Variants in MIB1 observed in about 807,000 individuals in gnomAD.
The protein encoded by MIB1 is MIB E3 ubiquitin protein ligase 1, also known as E3 ubiquitin-protein ligase MIB1.
A neutral mutation model predicts 124.5 loss-of-function variants in MIB1; 278 were observed. The ratio of observed to expected loss-of-function variants is 2.23; its 90% CI spans 2.02 to 2.47. The LOEUF is 2.47. MIB1 is among the 30% of genes most tolerant of loss of function. The pLI is 0.00. For missense variants in MIB1, 957 were observed against 1,254.4 expected, an observed-to-expected ratio of 0.76 and a Z score of 3.58; for synonymous variants, 446 against 429.4, an observed-to-expected ratio of 1.04 and a Z score of -0.48.
chr18:21,783,720 C>G (rs368965068), intron 6 of MIB1, among the ~76,000 whole-genome samples: 1 of 150,890 alleles, frequency 6.6e-6, no homozygotes, highest in Admixed American at 6.6e-5. Context: ...TTTGGTAGTA[C>G]GTTTTAATGT....
In MIB1 at chr18:21,812,219, A is replaced by G. The variant is rs576092473; in HGVS notation, c.1480-3397A>G. ...GAGCACTCCAGGTCTAGGGAGTAGC[A>G]TATGAAAATGTATAGGATCCCATAA... On this transcript the variant is annotated intron_variant, in intron 10 of 20. Coordinates refer to ENST00000261537, the MANE Select transcript of MIB1 (RefSeq NM_020774.4). Among the ~76,000 whole-genome samples, 3 of 152,320 alleles carry G rather than the reference A, an allele frequency of 2.0e-5. No homozygotes were observed. In the East Asian group the frequency reaches 5.8e-4, roughly 29 times the overall value.
intron 18 of MIB1, among the ~76,000 whole-genome samples, chr18:21,853,712 G>C (rs1484303169): frequency 6.6e-6 from 1 of 151,930 alleles, no homozygotes; most frequent in African/African-American, 2.4e-5. Context: ...CTTTGTGAGG[G>C]CAGTATTAAA....
upstream of MIB1, among the ~76,000 whole-genome samples, chr18:21,736,728 A>G (rs1341846235): frequency 2.6e-5 from 4 of 152,242 alleles, no homozygotes; most frequent in Non-Finnish European, 5.9e-5. Flanking sequence ...ATACACAAGT[A>G]TCAATAGCTG....
At chr18:21,718,588 G>C (rs149618060) in intron 1 of MIB1, among the ~76,000 whole-genome samples, 3 of 152,314 alleles carry the variant, frequency 2.0e-5, no homozygotes, top group Non-Finnish European at 4.4e-5. Flanking sequence ...GAACTGCCCA[G>C]TTGAGCCCAG....
intron 1 of MIB1, among the ~76,000 whole-genome samples, chr18:21,764,919 G>T (rs2041139807): frequency 6.6e-6 from 1 of 152,014 alleles, no homozygotes; most frequent in Non-Finnish European, 1.5e-5. Flanking sequence ...GACCATCCAG[G>T]ATGTGTTTAT....
chr18:21,791,253 A>G (rs1007751848), intron 6 of MIB1, 121 bp from the exon 7 acceptor site: 2 of 693,460 alleles, frequency 2.9e-6, no homozygotes, highest in African/African-American at 3.6e-5. Context: ...ATAAATAAAC[A>G]CAAATCATTC....
At chr18:21,836,567 A>AT (rs1411569922) in intron 12 of MIB1, among the ~76,000 whole-genome samples, 3 of 152,134 alleles carry the variant, frequency 2.0e-5, no homozygotes, top group Non-Finnish European at 4.4e-5. Flanking sequence ...GCATCTAGTG[A>AT]TTTCATGTTA....
At chr18:21,796,122 T>TC (rs890945013) in intron 7 of MIB1, among the ~76,000 whole-genome samples, 66 of 83,890 alleles carry the variant, frequency 7.9e-4, no homozygotes, top group South Asian at 6.0e-3. Flanking sequence ...GGGTCGTTTG[T>TC]TTTTTTCTTG....
At chr18:21,781,405 ATATATATAT>A (rs1568199092) in intron 6 of MIB1, among the ~76,000 whole-genome samples, 18 of 77,136 alleles carry the variant, frequency 2.3e-4, no homozygotes, top group African/African-American at 9.7e-4. Flanking sequence ...ATATATATAT[ATATATATAT>A]AAAATTATTA....
intron 20 of MIB1, among the ~76,000 whole-genome samples, chr18:21,862,107 G>T (rs2042281738): frequency 2.0e-5 from 3 of 152,142 alleles, no homozygotes; most frequent in Admixed American, 2.0e-4. Flanking sequence ...GTGTTGCCCA[G>T]GTTGGTCTTG....
intron 20 of MIB1, among the ~76,000 whole-genome samples, chr18:21,862,702 G>T (rs1303471143): frequency 6.6e-6 from 1 of 152,160 alleles, no homozygotes; most frequent in Non-Finnish European, 1.5e-5. Flanking sequence ...TCTAGGGCTT[G>T]CTTTGAGGAA....
At chr18:21,785,057 C>T (rs971270091) in intron 6 of MIB1, among the ~76,000 whole-genome samples, 9 of 152,148 alleles carry the variant, frequency 5.9e-5, no homozygotes, top group Non-Finnish European at 8.8e-5. Context: ...CCGAAAAATG[C>T]GTAGAAGAAA....
At chr18:21,859,732 T>C (rs1034872207) in intron 20 of MIB1, among the ~76,000 whole-genome samples, 9 of 151,218 alleles carry the variant, frequency 6.0e-5, no homozygotes, top group African/African-American at 7.3e-5. Flanking sequence ...CTACTAAAAA[T>C]ACAAAAATTA....
In MIB1 at chr18:21,765,841, G is replaced by T. The variant is rs1347428642; in HGVS notation, c.299G>T (p.Cys100Phe). 6.2e-7 allele frequency: 1 copy of T among 1,614,160 alleles called. No individual in the cohort carries two copies. ...CCAATCATTGGCATTCGATGGAAGT[G>T]TGCAGAGTGTACAAATTATGATTTG... ...QQPIIGIRWK[C>F]AECTNYDLCT... Residue 100 changes from cysteine to phenylalanine, a missense_variant, in exon 2 of 21, where the codon TGT (cysteine) becomes TTT (phenylalanine). Coordinates refer to ENST00000261537, the MANE Select transcript of MIB1 (RefSeq NM_020774.4).
intron 1 of MIB1, among the ~76,000 whole-genome samples, chr18:21,727,115 A>G (rs1381331412): frequency 6.6e-6 from 1 of 152,050 alleles, no homozygotes; most frequent in East Asian, 1.9e-4. Context: ...TCGCAGTTCA[A>G]TTTATTTTTT....
intron 6 of MIB1, among the ~76,000 whole-genome samples, chr18:21,784,955 T>C (rs534244850): frequency 3.2e-4 from 48 of 152,364 alleles, no homozygotes; most frequent in African/African-American, 1.1e-3. Flanking sequence ...GTCACGTTCC[T>C]GGTCCACTTT....
At position 21,803,887 on chromosome 18, in the gene MIB1, CT is replaced by C; in HGVS notation, c.1372-12del. The stretch of plus-strand genomic sequence containing the variant: ...CTGATTATTCATTCATTCTTTCATT[CT>C]TTTTTTTAAAAAATGTAGGTAAATG... On this transcript the variant is annotated intron_variant, in intron 9 of 20. Coordinates refer to ENST00000261537, the MANE Select transcript of MIB1 (RefSeq NM_020774.4). 1.5e-5 allele frequency: 23 copies of C among 1,573,846 alleles called. No homozygotes were observed. Among genetic ancestry groups the C allele is most frequent in the Admixed American group, 1.7e-5 (1 of 59,618 alleles).
At position 21,773,621 on chromosome 18, in the gene MIB1, TA is replaced by T; in HGVS notation, c.532-2del. 2.5e-6 allele frequency: 4 copies of T among 1,599,820 alleles called. No individual in the cohort carries two copies. On this transcript the variant is annotated splice_acceptor_variant, in intron 3 of 20. Coordinates refer to ENST00000261537, the MANE Select transcript of MIB1 (RefSeq NM_020774.4). LOFTEE classifies it high-confidence loss of function. ...CTTCTTTTCTCAAAAACTATTCTGT[TA>T]GGTAACAGAAATCCAGGACTGGAGT...
chr18:21,791,564 A>G lies in MIB1; in HGVS notation c.1092+7A>G, dbSNP rs758293200. The G allele has an allele frequency of 2.7e-5, 43 of 1,599,530 alleles. No individual in the cohort carries two copies. Among genetic ancestry groups the G allele is most frequent in the Non-Finnish European group, 2.7e-5 (32 of 1,169,288 alleles). ...GGCTGAAGCGATGCTTCCAGTAAGT[A>G]TGTTTAGAATAATTCTGGGCTAGAA... On this transcript the variant is annotated splice_region_variant and intron_variant, in intron 7 of 20. Coordinates refer to ENST00000261537, the MANE Select transcript of MIB1 (RefSeq NM_020774.4).
Sources: gnomAD v4.1 joint callset for allele counts (sites outside exome capture counted in the v4.1 genomes callset) on GRCh38, gnomAD v4.1.1 for gene constraint, MANE v1.5 for transcripts, NCBI Gene and HGNC (gene_info 2026-07-23, HGNC 2026-07-21) for gene names.